Variants in MTMR3 observed in about 807,000 individuals in gnomAD.
MTMR3 encodes the protein myotubularin related protein 3.
MTMR3 carries 32 observed loss-of-function variants against 132.4 expected under a neutral mutation model. That is an observed-to-expected ratio of 0.24 (90% CI 0.18 to 0.32). The LOEUF is 0.32. Ranked by LOEUF, MTMR3 falls within the 10% of genes least tolerant of loss-of-function variation. The pLI is 1.00. For synonymous variants in MTMR3, 556 were observed against 550.3 expected (o/e 1.01, Z -0.14); for missense variants, 1,216 against 1,489.6 (o/e 0.82, Z 3.02).
chr22:29,969,611 A>T (rs1052219917), intron 2 of MTMR3, among the ~76,000 whole-genome samples: 1 of 151,750 alleles, frequency 6.6e-6, no homozygotes, highest in African/African-American at 2.4e-5. Flanking sequence ...GCTCACTGCA[A>T]CCTCTGCCTC....
chr22:29,997,107 C>A (rs1215006384), intron 7 of MTMR3: 1 of 152,196 alleles, frequency 6.6e-6, no homozygotes, highest in African/African-American at 2.4e-5. Flanking sequence ...TAGTTTTTTC[C>A]TGTTTGGAAG....
chr22:29,894,883 C>A (rs866842723), intron 1 of MTMR3, among the ~76,000 whole-genome samples: 2 of 152,140 alleles, frequency 1.3e-5, no homozygotes, highest in African/African-American at 4.8e-5. Context: ...TGGGTTAAGA[C>A]ATTTGTTATT....
In MTMR3 at chr22:30,007,927, G is replaced by A; in HGVS notation, c.904G>A (p.Ala302Thr). ...TTCTTCTCTGTCAAATGCTTCAGGA[G>A]CAGAGAGTTTAGCCATCCAACCGCA... is the stretch of plus-strand genomic sequence containing the variant. Reference protein sequence around the residue: ...FDSSLSNASGAESLAIQPQKL... With the variant: ...FDSSLSNASGTESLAIQPQKL... The change falls in exon 11 of 20, where the codon GCA becomes ACA. Residue 302 changes from alanine to threonine, a missense_variant. Physicochemically the swap from Ala to Thr is moderately conservative, Grantham distance 58. Coordinates refer to ENST00000401950, the MANE Select transcript of MTMR3 (RefSeq NM_021090.4). 6.2e-7 allele frequency: 1 copy of A among 1,613,752 alleles called. No individual in the cohort carries two copies. The highest frequency in any genetic ancestry group is 8.5e-7 in the Non-Finnish European group (1 of 1,180,002).
At chr22:29,950,775 C>T (rs1271142687) in intron 1 of MTMR3, among the ~76,000 whole-genome samples, 1 of 137,204 alleles carries the variant, frequency 7.3e-6, no homozygotes, top group Non-Finnish European at 1.8e-5. Context: ...TCATAGAGGA[C>T]ATAGATTCAG....
At chr22:29,924,011 G>C (rs2065469740) in intron 1 of MTMR3, among the ~76,000 whole-genome samples, 2 of 152,156 alleles carry the variant, frequency 1.3e-5, no homozygotes, top group Non-Finnish European at 2.9e-5. Flanking sequence ...TCTGTTGATA[G>C]TGCCCTTTGG....
At chr22:29,915,149 G>C (rs774278745) in intron 1 of MTMR3, among the ~76,000 whole-genome samples, 1 of 152,088 alleles carries the variant, frequency 6.6e-6, no homozygotes, top group Non-Finnish European at 1.5e-5. Flanking sequence ...TTGAAGTTCT[G>C]TTTTTAGGTA....
intron 19 of MTMR3, chr22:30,023,415 T>C (rs773735439): frequency 6.2e-7 from 1 of 1,612,790 alleles, no homozygotes; most frequent in Non-Finnish European, 8.5e-7. Context: ...CCAGATATCT[T>C]TGGTTGGCTT....
intron 8 of MTMR3, chr22:30,001,735 A>G (rs1477984251): frequency 6.6e-6 from 1 of 152,216 alleles, no homozygotes; most frequent in African/African-American, 2.4e-5. Flanking sequence ...ATGGTTAGAT[A>G]TTAACCATCA....
At chr22:30,002,251 T>C (rs1451988831) in intron 8 of MTMR3, 1 of 152,276 alleles carries the variant, frequency 6.6e-6, no homozygotes, top group Non-Finnish European at 1.5e-5. Context: ...TTAGTCACAT[T>C]ACTAACCTGG....
chr22:29,967,800 C>T (rs1238030290), intron 2 of MTMR3, among the ~76,000 whole-genome samples: 3 of 152,038 alleles, frequency 2.0e-5, no homozygotes, highest in African/African-American at 4.8e-5. Context: ...AATGGAATCA[C>T]ACAATATATG....
chr22:29,927,278 TGA>T (rs1242035287), intron 1 of MTMR3, among the ~76,000 whole-genome samples: 2 of 152,212 alleles, frequency 1.3e-5, no homozygotes, highest in Non-Finnish European at 2.9e-5. Flanking sequence ...AAGATATACT[TGA>T]GAAGTGTGAG....
Position 29,970,960 on chromosome 22 carries a change from TC to T in MTMR3, c.-84-9del, listed in dbSNP as rs949906259. ...CTTTTTTTTTTCTTCTTCCCCCTCT[TC>T]CCCCCCACCCCCAGACTTCACCATA... On this transcript the variant is annotated splice_polypyrimidine_tract_variant and intron_variant, in intron 2 of 19. Transcript: ENST00000401950. The T allele has an allele frequency of 5.7e-5, 30 of 529,758 alleles. No homozygotes were observed. The highest frequency in any genetic ancestry group is 1.8e-4 in the East Asian group (3 of 16,292). The allele number at this position is 529,758 out of a possible 1,614,324, so 32.8% of individuals were successfully genotyped here. A position where few individuals can be genotyped will look rare whatever the true frequency, so the allele number is the denominator to read the frequency against.
chr22:29,894,371 A>G (rs1775179959), intron 1 of MTMR3, among the ~76,000 whole-genome samples: 1 of 152,202 alleles, frequency 6.6e-6, no homozygotes, highest in African/African-American at 2.4e-5. Flanking sequence ...AATTAAACCC[A>G]AGAGGACTGA....
chr22:30,006,290 C>T (rs1447535888), intron 9 of MTMR3: 1 of 152,170 alleles, frequency 6.6e-6, no homozygotes, highest in Non-Finnish European at 1.5e-5. Flanking sequence ...TGCTCTTCTT[C>T]TCTTTCTTAA....
At chr22:30,021,917 C>G (rs1028707376) in intron 17 of MTMR3, 112 bp from the exon 18 acceptor site, 2 of 783,872 alleles carry the variant, frequency 2.6e-6, no homozygotes, top group Non-Finnish European at 4.3e-6. Flanking sequence ...ATTCGGCAGT[C>G]CTAGCACTCG....
At chr22:29,940,069 C>T (rs959836777) in intron 1 of MTMR3, among the ~76,000 whole-genome samples, 1 of 152,126 alleles carries the variant, frequency 6.6e-6, no homozygotes, top group African/African-American at 2.4e-5. Flanking sequence ...AGATCGAGAC[C>T]ATCCTGGCTA....
At chr22:29,940,335 C>G (rs1427868902) in intron 1 of MTMR3, among the ~76,000 whole-genome samples, 2 of 139,906 alleles carry the variant, frequency 1.4e-5, no homozygotes, top group Non-Finnish European at 2.9e-5. Context: ...GATCCACCCC[C>G]TGCCCACAAA....
chr22:30,025,758 T>C lies in MTMR3; in HGVS notation c.3554T>C (p.Ile1185Thr), dbSNP rs148955476. 18 of 1,614,056 alleles carry C rather than the reference T, an allele frequency of 1.1e-5. No individual in the cohort carries two copies. The highest frequency in any genetic ancestry group is 4.0e-5 in the African/African-American group (3 of 74,932). Reference protein sequence around the residue: ...YSSLHPTSSSIDLELDKPIAA... With the variant: ...YSSLHPTSSSTDLELDKPIAA... The stretch of plus-strand genomic sequence containing the variant: ...AGCCTACATCCCACAAGCTCCAGCA[T>C]TGACCTTGAACTGGATAAGCCCATT... Residue 1185 changes from isoleucine (I) to threonine (T), a missense_variant, in exon 20 of 20, where the codon ATT becomes ACT. Ile to Thr is a moderately conservative substitution (Grantham distance 89, BLOSUM62 -1). Coordinates refer to ENST00000401950, the MANE Select transcript of MTMR3 (RefSeq NM_021090.4).
intron 1 of MTMR3, among the ~76,000 whole-genome samples, chr22:29,926,268 TA>T (rs550440799): frequency 2.6e-5 from 4 of 152,372 alleles, no homozygotes; most frequent in Non-Finnish European, 5.9e-5. Context: ...TGTGTATGGA[TA>T]TACCACATTT....
Sources: gnomAD v4.1 joint callset for allele counts (sites outside exome capture counted in the v4.1 genomes callset) on GRCh38, gnomAD v4.1.1 for gene constraint, MANE v1.5 for transcripts, NCBI Gene and HGNC (gene_info 2026-07-23, HGNC 2026-07-21) for gene names.